Variants in SDK2 observed in about 807,000 individuals in gnomAD.
The protein encoded by SDK2 is sidekick cell adhesion molecule 2.
SDK2 carries 105 observed loss-of-function variants against 253.9 expected under a neutral mutation model. That is an observed-to-expected ratio of 0.41 (90% CI 0.35 to 0.49). SDK2 has a LOEUF of 0.49. SDK2 is among the 20% of genes least tolerant of loss of function. The probability of loss-of-function intolerance (pLI) is 0.06; values close to 1 mark genes in which losing one functional copy is unlikely to be tolerated. For missense variants in SDK2, 2,608 were observed against 3,003.0 expected, an observed-to-expected ratio of 0.87 and a Z score of 3.07; for synonymous variants, 1,249 against 1,234.9, an observed-to-expected ratio of 1.01 and a Z score of -0.24.
At chr17:73,392,629 AG>A (rs1311343016) in intron 27 of SDK2, among the ~76,000 whole-genome samples, 10 of 151,876 alleles carry the variant, frequency 6.6e-5, no homozygotes, top group African/African-American at 2.4e-4. Context: ...CTGTCAAGGC[AG>A]GAGGATAGAA....
intron 39 of SDK2, among the ~76,000 whole-genome samples, chr17:73,358,601 G>A (rs2062613222): frequency 1.3e-5 from 2 of 152,248 alleles, no homozygotes; most frequent in South Asian, 4.1e-4. Context: ...TGAAGGCTGT[G>A]TCCTGGATGG....
chr17:73,341,321 G>A (rs1191430693), intron 44 of SDK2, among the ~76,000 whole-genome samples: 1 of 149,980 alleles, frequency 6.7e-6, no homozygotes, highest in Non-Finnish European at 1.5e-5. Flanking sequence ...AATCAATCTC[G>A]GTTGGAAAGT....
chr17:73,351,707 T>G (rs985178053), intron 41 of SDK2, among the ~76,000 whole-genome samples: 1 of 152,192 alleles, frequency 6.6e-6, no homozygotes, highest in African/African-American at 2.4e-5. Flanking sequence ...ACCCCTAGAC[T>G]GTGCTTTCTG....
At chr17:73,543,543 C>T (rs2044904551) in intron 1 of SDK2, among the ~76,000 whole-genome samples, 2 of 152,248 alleles carry the variant, frequency 1.3e-5, no homozygotes, top group Non-Finnish European at 2.9e-5. Context: ...TATCACCTTC[C>T]CCAGACTCTT....
intron 1 of SDK2, among the ~76,000 whole-genome samples, chr17:73,615,755 G>A (rs1183453054): frequency 1.3e-5 from 2 of 152,180 alleles, no homozygotes; most frequent in Non-Finnish European, 2.9e-5. Context: ...TTTTAAACCA[G>A]AGTCATGTGA....
rs2045494578 is a variant in SDK2, at chr17:73,578,919, C to T, written c.64+65106G>A. Among the ~76,000 whole-genome samples, 3 of 152,250 alleles carry T rather than the reference C, an allele frequency of 2.0e-5. No homozygotes were observed. The South Asian group carries it at 6.2e-4, about 32-fold the overall frequency. On this transcript the variant is annotated intron_variant, in intron 1 of 44. Transcript: ENST00000392650. ...CTCTGCCCAGTGTCTCTAAGGCACC[C>T]CAAAGTCACTCTGTCCCAGACCAAG...
In SDK2 at chr17:73,352,337, C is replaced by G; in HGVS notation, c.5758+136G>C. The stretch of plus-strand genomic sequence containing the variant: ...CACCAGCACTTGCCTCTTCACAGCC[C>G]CGAGGGGACAATGTGTTTTTGTTCC... On this transcript the variant is annotated intron_variant, in intron 41 of 44. Coordinates refer to ENST00000392650, the MANE Select transcript of SDK2 (RefSeq NM_001144952.2). The surrounding 1 kb of genome is among the most constrained non-coding windows in gnomAD (Gnocchi z 4.1). 8.8e-7 allele frequency: 1 copy of G among 1,135,964 alleles called. No individual in the cohort carries two copies. Among genetic ancestry groups the G allele is most frequent in the Middle Eastern group, 3.0e-4 (1 of 3,372 alleles). 70.4% of individuals were successfully genotyped at this position (1,135,964 alleles called of 1,614,324 possible).
At chr17:73,359,700 C>T (rs2062625162) in intron 39 of SDK2, among the ~76,000 whole-genome samples, 1 of 152,176 alleles carries the variant, frequency 6.6e-6, no homozygotes, top group Admixed American at 6.5e-5. Flanking sequence ...GGCGGGAGTG[C>T]AGGGGCACGA....
At chr17:73,588,253 G>T (rs958070642) in intron 1 of SDK2, among the ~76,000 whole-genome samples, 1 of 151,262 alleles carries the variant, frequency 6.6e-6, no homozygotes, top group Non-Finnish European at 1.5e-5. Flanking sequence ...TGGGCCTGGG[G>T]CTGCATGCCT....
At chr17:73,411,090 A>C (rs1276047986) in intron 18 of SDK2, among the ~76,000 whole-genome samples, 1 of 151,822 alleles carries the variant, frequency 6.6e-6, no homozygotes. Flanking sequence ...GGTCCCAATT[A>C]GGAGAGTTTT....
chr17:73,358,033 G>A (rs372008625), intron 40 of SDK2, 46 bp downstream of exon 40: 89 of 1,611,316 alleles, frequency 5.5e-5, no homozygotes, highest in Non-Finnish European at 7.1e-5. Context: ...CAGGAAGAAG[G>A]GAGATAATGA....
intron 1 of SDK2, among the ~76,000 whole-genome samples, chr17:73,628,882 G>A (rs2046235394): frequency 6.6e-6 from 1 of 152,174 alleles, no homozygotes; most frequent in Admixed American, 6.5e-5. Context: ...GGCAAAGGCT[G>A]GTGGCTACCC....
rs74779027 is a variant in SDK2 at position 73,584,488 on chromosome 17, C to T, written c.64+59537G>A. Reference sequence around the variant, plus strand: ...CCCCAAAGAGGGAAACAGTCAGCTCCGAGGGCGGGACTGTGCCACCTCCGC... The same window carrying T: ...CCCCAAAGAGGGAAACAGTCAGCTCTGAGGGCGGGACTGTGCCACCTCCGC... On this transcript the variant is annotated intron_variant, in intron 1 of 44. Coordinates refer to ENST00000392650, the MANE Select transcript of SDK2 (RefSeq NM_001144952.2). Among the ~76,000 whole-genome samples the T allele has an allele frequency of 9.3e-3, 1,423 of 152,314 alleles. 11 individuals carry two copies. The highest frequency in any genetic ancestry group is 0.034 in the South Asian group (166 of 4,822).
At chr17:73,581,814 G>A (rs976153036) in intron 1 of SDK2, among the ~76,000 whole-genome samples, 3 of 152,226 alleles carry the variant, frequency 2.0e-5, no homozygotes, top group South Asian at 2.1e-4. Flanking sequence ...GGCCAGGAGT[G>A]GGGGATGGTG....
At chr17:73,349,275 G>A (rs2062513852) in intron 43 of SDK2, among the ~76,000 whole-genome samples, 1 of 152,244 alleles carries the variant, frequency 6.6e-6, no homozygotes, top group African/African-American at 2.4e-5. Flanking sequence ...GAGGATAAGA[G>A]CTCGGCTTTG....
At chr17:73,627,983 C>T (rs562228143) in intron 1 of SDK2, among the ~76,000 whole-genome samples, 3 of 152,250 alleles carry the variant, frequency 2.0e-5, no homozygotes, top group South Asian at 4.1e-4. Context: ...ACCCGGGAGG[C>T]GGAGCTTGCA....
intron 1 of SDK2, among the ~76,000 whole-genome samples, chr17:73,589,830 G>T (rs757680963): frequency 6.6e-6 from 1 of 152,214 alleles, no homozygotes; most frequent in Non-Finnish European, 1.5e-5. Context: ...GGATTAGCAG[G>T]TGTTACAGAG....
At position 73,408,046 on chromosome 17, in the gene SDK2, C is replaced by CTTTTTTTTTTTTTT. The variant is rs373774628; in HGVS notation, c.2485-5906_2485-5905insAAAAAAAAAAAAAA. 7.9e-5 allele frequency among the ~76,000 whole-genome samples: 4 copies of CTTTTTTTTTTTTTT among 50,950 alleles called. 2 individuals carry two copies. The highest frequency in any genetic ancestry group is 5.7e-4 in the Admixed American group (2 of 3,508). 33.4% of individuals were successfully genotyped at this position (50,950 alleles called of 152,430 possible). A position where few individuals can be genotyped will look rare whatever the true frequency, so the allele number is the denominator to read the frequency against. On this transcript the variant is annotated intron_variant, in intron 18 of 44. Transcript: ENST00000392650. ...ACACCATCTAGGAAGTAAAATATTTCCTTTTTTTTTTTTTTTTTCTTTTGA... is the reference window on the plus strand; with the variant it reads ...ACACCATCTAGGAAGTAAAATATTTCTTTTTTTTTTTTTTCTTTTTTTTTTTTTTTTTCTTTTGA...
At chr17:73,591,450 TG>T (rs1438456640) in intron 1 of SDK2, among the ~76,000 whole-genome samples, 1 of 152,122 alleles carries the variant, frequency 6.6e-6, no homozygotes, top group Non-Finnish European at 1.5e-5. Context: ...GACGCCACAG[TG>T]GGGTTGCCAG....
Sources: gnomAD v4.1 joint callset for allele counts (sites outside exome capture counted in the v4.1 genomes callset) on GRCh38, gnomAD v4.1.1 for gene constraint, Gnocchi (gnomAD v3.1) non-coding constraint, MANE v1.5 for transcripts, NCBI Gene and HGNC (gene_info 2026-07-23, HGNC 2026-07-21) for gene names.